Variants in GNAI3 observed in about 807,000 individuals in gnomAD.
The protein encoded by GNAI3 is G protein subunit alpha i3.
GNAI3 carries 12 observed loss-of-function variants against 41.8 expected under a neutral mutation model. That is an observed-to-expected ratio of 0.29 (90% CI 0.18 to 0.47). The LOEUF (loss-of-function observed/expected upper bound fraction) is 0.47, where lower values mean the gene tolerates loss of function less well. Ranked by LOEUF, GNAI3 falls within the 20% of genes least tolerant of loss-of-function variation. The probability of loss-of-function intolerance (pLI) is 1.00; values close to 1 mark genes in which losing one functional copy is unlikely to be tolerated. For missense variants in GNAI3, 360 were observed against 429.6 expected (o/e 0.84, Z 1.43); for synonymous variants, 132 against 146.5 (o/e 0.90, Z 0.71).
intron 4 of GNAI3, among the ~76,000 whole-genome samples, 156 bp from the exon 5 acceptor site, chr1:109,582,281 A>G (rs1199977860): frequency 6.6e-6 from 1 of 152,146 alleles, no homozygotes; most frequent in Non-Finnish European, 1.5e-5. Context: ...GTGAGCCACC[A>G]TGCCTGGCTT....
chr1:109,565,403 A>G (rs1648424851), intron 1 of GNAI3, among the ~76,000 whole-genome samples: 2 of 152,114 alleles, frequency 1.3e-5, no homozygotes, highest in African/African-American at 4.8e-5. Flanking sequence ...GTAAGGTTAG[A>G]AGGGAGTGAG....
At chr1:109,554,081 T>G (rs1304635262) in intron 1 of GNAI3, among the ~76,000 whole-genome samples, 14 of 4,890 alleles carry the variant, frequency 2.9e-3, no homozygotes, top group African/African-American at 0.012. Context: ...TGTAGAGGGG[T>G]GTGTGTGTGT....
At chr1:109,590,234 A>AAAC (rs1649134802) in intron 7 of GNAI3, among the ~76,000 whole-genome samples, 1 of 152,216 alleles carries the variant, frequency 6.6e-6, no homozygotes, top group African/African-American at 2.4e-5. Flanking sequence ...AAGTTTTAGG[A>AAAC]TTGGGGGAGA....
At chr1:109,570,211 TAAGAC>T (rs1187407330) in intron 1 of GNAI3, among the ~76,000 whole-genome samples, 1 of 152,224 alleles carries the variant, frequency 6.6e-6, no homozygotes, top group Non-Finnish European at 1.5e-5. Context: ...GATTATGTAA[TAAGAC>T]AAGATCATAT....
At chr1:109,583,654 C>T (rs372446249) in intron 5 of GNAI3, among the ~76,000 whole-genome samples, 3 of 151,912 alleles carry the variant, frequency 2.0e-5, no homozygotes, top group African/African-American at 4.8e-5. Context: ...GATCTCGGCT[C>T]GTTGCAACCT....
chr1:109,548,669 G>T lies in GNAI3; in HGVS notation c.-52G>T, dbSNP rs972741166. On this transcript the variant is annotated 5_prime_UTR_variant, in exon 1 of 9. Coordinates refer to ENST00000369851, the MANE Select transcript of GNAI3 (RefSeq NM_006496.4). The stretch of plus-strand genomic sequence containing the variant: ...CGGTGCCTCAGCCTGCCGAGCCGCA[G>T]TTTCCGTGGTGTGAGTGAGTCCGGG... 2 of 1,323,294 alleles carry T rather than the reference G, an allele frequency of 1.5e-6. No homozygotes were observed. The highest frequency in any genetic ancestry group is 2.4e-5 in the South Asian group (2 of 83,984). The allele number at this position is 1,323,294 out of a possible 1,614,324, so 82.0% of individuals were successfully genotyped here. A position where few individuals can be genotyped will look rare whatever the true frequency, so the allele number is the denominator to read the frequency against.
chr1:109,556,330 A>G lies in GNAI3; in HGVS notation c.118+7492A>G, dbSNP rs1283917901. Among the ~76,000 whole-genome samples, 8 of 152,180 alleles carry G rather than the reference A, an allele frequency of 5.3e-5. No individual in the cohort carries two copies. In the East Asian group the frequency reaches 1.3e-3, roughly 26 times the overall value. ...AATGTTGAGATTATAGACTGAGATTATAGCCTCTAACTTCCATTCTTAAAA... is the reference window on the plus strand; with the variant it reads ...AATGTTGAGATTATAGACTGAGATTGTAGCCTCTAACTTCCATTCTTAAAA... On this transcript the variant is annotated intron_variant, in intron 1 of 8. Coordinates refer to ENST00000369851, the MANE Select transcript of GNAI3 (RefSeq NM_006496.4).
intron 1 of GNAI3, among the ~76,000 whole-genome samples, chr1:109,553,726 A>G (rs530740361): frequency 3.3e-5 from 5 of 152,214 alleles, no homozygotes; most frequent in Non-Finnish European, 5.9e-5. Flanking sequence ...TAACATTTCA[A>G]TAGGTTTTTG....
intron 3 of GNAI3, among the ~76,000 whole-genome samples, chr1:109,576,904 G>GA (rs893199804): frequency 5.9e-5 from 9 of 151,422 alleles, no homozygotes; most frequent in African/African-American, 2.2e-4. Context: ...TAAGTGATAA[G>GA]AAAAAAGTGT....
chr1:109,582,939 GT>G (rs1234673399), intron 5 of GNAI3, among the ~76,000 whole-genome samples: 4 of 151,834 alleles, frequency 2.6e-5, no homozygotes, highest in Non-Finnish European at 4.4e-5. Flanking sequence ...ATGAAAACCA[GT>G]TTTTTTTCGG....
At chr1:109,574,070 T>G in intron 3 of GNAI3, 33 bp downstream of exon 3, 1 of 1,562,092 alleles carries the variant, frequency 6.4e-7, no homozygotes, top group East Asian at 2.2e-5. Context: ...TCACTTGCTC[T>G]TATTCAGCAG....
At chr1:109,573,621 C>A in intron 1 of GNAI3, 116 bp from the exon 2 acceptor site, 1 of 786,570 alleles carries the variant, frequency 1.3e-6, no homozygotes, top group Non-Finnish European at 2.1e-6. Context: ...GAAAGCCTCA[C>A]CAAAATTTTC....
At chr1:109,559,282 C>T (rs1438647568) in intron 1 of GNAI3, among the ~76,000 whole-genome samples, 3 of 152,144 alleles carry the variant, frequency 2.0e-5, no homozygotes, top group Non-Finnish European at 4.4e-5. Context: ...TGTTTTCTAG[C>T]CAATAAAATA....
chr1:109,564,041 G>GT (rs5776986), intron 1 of GNAI3, among the ~76,000 whole-genome samples: 35,543 of 134,654 alleles, frequency 0.26, 4,826 homozygotes, highest in East Asian at 0.37. Context: ...GTTTTTGTGT[G>GT]TTTTTTTTTT....
chr1:109,550,186 C>T (rs1647945311), intron 1 of GNAI3, among the ~76,000 whole-genome samples: 2 of 152,196 alleles, frequency 1.3e-5, no homozygotes, highest in Admixed American at 1.3e-4. Flanking sequence ...TAACCCAAGA[C>T]TTATTTTGTA....
chr1:109,559,164 A>G (rs952277109), intron 1 of GNAI3, among the ~76,000 whole-genome samples: 1 of 152,080 alleles, frequency 6.6e-6, no homozygotes, highest in Non-Finnish European at 1.5e-5. Context: ...CCTGGGTGAC[A>G]GAGCGAGACT....
chr1:109,598,613 AG>A lies in GNAI3; in HGVS notation c.*6292del, dbSNP rs1048215878. On this transcript the variant is annotated 3_prime_UTR_variant, in exon 9 of 9. Coordinates refer to ENST00000369851, the MANE Select transcript of GNAI3 (RefSeq NM_006496.4). ...ATTACTTTGCCCATATTCATTTTGA[AG>A]ACCTGAAATGAAGTTGAACTATAAA... 4.9e-5 allele frequency: 11 copies of A among 224,332 alleles called. No homozygotes were observed. Among genetic ancestry groups the A allele is most frequent in the Non-Finnish European group, 3.8e-5 (4 of 106,348 alleles). The allele number at this position is 224,332 out of a possible 1,614,324, so 13.9% of individuals were successfully genotyped here.
At chr1:109,580,582 G>GGTATA (rs925333880) in intron 4 of GNAI3, among the ~76,000 whole-genome samples, 14 of 152,120 alleles carry the variant, frequency 9.2e-5, no homozygotes, top group African/African-American at 3.1e-4. Flanking sequence ...AGAATTAGAT[G>GGTATA]GTATAGCCTA....
intron 3 of GNAI3, among the ~76,000 whole-genome samples, chr1:109,575,530 A>ATTTC (rs1648716129): frequency 3.1e-5 from 2 of 65,032 alleles, no homozygotes; most frequent in Non-Finnish European, 6.0e-5. Context: ...CTACCCTTTC[A>ATTTC]TTTCTTTTTT....
Sources: allele counts gnomAD v4.1 joint callset (sites outside exome capture counted in the v4.1 genomes callset), GRCh38; gene constraint gnomAD v4.1.1; transcripts MANE v1.5; gene names NCBI Gene and HGNC (gene_info 2026-07-23, HGNC 2026-07-21).